Variants in CLDND2 observed in about 807,000 individuals in gnomAD.
CLDND2 encodes claudin domain-containing protein 2.
In CLDND2, 18 loss-of-function variants were observed where a neutral mutation model predicts 17.7. The ratio of observed to expected loss-of-function variants is 1.02; its 90% CI spans 0.70 to 1.51. The LOEUF (loss-of-function observed/expected upper bound fraction) is 1.51. CLDND2 is among the 40% of genes most tolerant of loss of function. The pLI is 0.00. For missense variants in CLDND2, 233 were observed against 219.6 expected (o/e 1.06, Z -0.39); for synonymous variants, 113 against 93.0 (o/e 1.22, Z -1.24).
Position 51,368,987 on chromosome 19 carries a change from A to C in CLDND2, c.-410T>G. ...CCCAGTGCCCTAGGGCTCCTTAGACACAGAGCCCAGAGAGACGGGGGGAGG... is the reference window on the plus strand; with the variant it reads ...CCCAGTGCCCTAGGGCTCCTTAGACCCAGAGCCCAGAGAGACGGGGGGAGG... On this transcript the variant is annotated 5_prime_UTR_variant, in exon 1 of 4. Coordinates refer to ENST00000291715, the MANE Select transcript of CLDND2 (RefSeq NM_152353.3). The C allele has an allele frequency of 6.3e-6, 1 of 159,538 alleles. No homozygotes were observed. Among genetic ancestry groups the C allele is most frequent in the African/African-American group, 2.4e-5 (1 of 41,576 alleles). The allele number at this position is 159,538 out of a possible 1,614,324, so 9.9% of individuals were successfully genotyped here. A position where few individuals can be genotyped will look rare whatever the true frequency, so the allele number is the denominator to read the frequency against.
In CLDND2 at chr19:51,368,416, G is replaced by C. The variant is rs1347860377; in HGVS notation, c.162C>G (p.Pro54=). The change falls in exon 1 of 4, where the codon CCC becomes CCG. Residue 54 remains proline (P), a synonymous_variant. Coordinates refer to ENST00000291715, the MANE Select transcript of CLDND2 (RefSeq NM_152353.3). ...GGGCGGGCGGAGCCTCACTCTGGCA[G>C]GGGATGCTGGAGCAGATGCCGTGGT... ...ECNHGICSSI[P]CQTTLAVTVA... 2 of 1,611,878 alleles carry C rather than the reference G, an allele frequency of 1.2e-6. No individual in the cohort carries two copies. Among genetic ancestry groups the C allele is most frequent in the East Asian group, 2.2e-5 (1 of 44,888 alleles).
Position 51,368,648 on chromosome 19 carries a change from G to T in CLDND2, c.-71C>A. 2.2e-6 allele frequency: 3 copies of T among 1,392,884 alleles called. No individual in the cohort carries two copies. The highest frequency in any genetic ancestry group is 1.3e-5 in the South Asian group (1 of 77,360). 86.3% of individuals were successfully genotyped at this position (1,392,884 alleles called of 1,614,324 possible). ...GGCCTTTCCTACCCCGAGGCCCCCA[G>T]CTGAGGAGCCCGCTTCCTCCACACT... On this transcript the variant is annotated 5_prime_UTR_variant, in exon 1 of 4. In the 5' UTR this introduces an upstream ATG that the reference lacks. Coordinates refer to ENST00000291715, the MANE Select transcript of CLDND2 (RefSeq NM_152353.3).
rs1568473823 is a variant in CLDND2, at chr19:51,368,006, C to A, written c.190G>T (p.Ala64Ser). ...ACACCCACCGCCAGCACCATGCACG[C>A]CACAGTCACCGCCAGCGTGGCTGGG... The part of the protein sequence containing the change: ...PCQTTLAVTV[A>S]CMVLAVGVGV... Residue 64 changes from alanine (A) to serine (S), a missense_variant, in exon 2 of 4, where the codon GCG becomes TCG. Ala to Ser is a moderately conservative substitution (Grantham distance 99, BLOSUM62 1). Transcript: ENST00000291715. The A allele has an allele frequency of 1.2e-6, 2 of 1,611,188 alleles. No homozygotes were observed. The highest frequency in any genetic ancestry group is 1.6e-4 in the Middle Eastern group (1 of 6,078).
rs527484595 is a variant in CLDND2, at chr19:51,367,391, G to C, written c.430+66C>G. 8.0e-5 allele frequency: 119 copies of C among 1,495,058 alleles called. No individual in the cohort carries two copies. In the African/African-American group the frequency reaches 1.4e-3, roughly 18 times the overall value. The allele number at this position is 1,495,058 out of a possible 1,614,324, so 92.6% of individuals were successfully genotyped here. A position where few individuals can be genotyped will look rare whatever the true frequency, so the allele number is the denominator to read the frequency against. On this transcript the variant is annotated intron_variant, in intron 3 of 3. Coordinates refer to ENST00000291715, the MANE Select transcript of CLDND2 (RefSeq NM_152353.3). The surrounding 1 kb of genome is among the most constrained non-coding windows in gnomAD (Gnocchi z 7.4). Reference sequence around the variant, plus strand: ...CCCGGGGTTTCCTGGGAGGGCAGCTGGGGAGCCTCTGGGGTGAGGGTCTTC... The same window carrying C: ...CCCGGGGTTTCCTGGGAGGGCAGCTCGGGAGCCTCTGGGGTGAGGGTCTTC...
In CLDND2 at chr19:51,367,608, C is replaced by A; in HGVS notation, c.311-32G>T. On this transcript the variant is annotated intron_variant, in intron 2 of 3. Transcript: ENST00000291715. This position sits in a 1 kb window ranked among gnomAD's most constrained non-coding sequence, Gnocchi z 7.4. The stretch of plus-strand genomic sequence containing the variant: ...CCCGCCCAGCCGCAAGATGAGCTAG[C>A]TGGGCCTGGTGGGGGCTGCACCCAG... The A allele has an allele frequency of 1.9e-6, 3 of 1,601,606 alleles. No individual in the cohort carries two copies. The highest frequency in any genetic ancestry group is 2.6e-6 in the Non-Finnish European group (3 of 1,173,708).
At position 51,367,281 on chromosome 19, in the gene CLDND2, C is replaced by G; in HGVS notation, c.431-66G>C. 6.4e-7 allele frequency: 1 copy of G among 1,556,510 alleles called. No individual in the cohort carries two copies. Among genetic ancestry groups the G allele is most frequent in the Non-Finnish European group, 8.8e-7 (1 of 1,130,308 alleles). Reference sequence around the variant, plus strand: ...CCCTGGGGCGGATGGCCGGGAGGGCCCCGGGGACTGGGGTTTGGGGCTCCA... The same window carrying G: ...CCCTGGGGCGGATGGCCGGGAGGGCGCCGGGGACTGGGGTTTGGGGCTCCA... On this transcript the variant is annotated intron_variant, in intron 3 of 3. Coordinates refer to ENST00000291715, the MANE Select transcript of CLDND2 (RefSeq NM_152353.3). The surrounding 1 kb of genome is among the most constrained non-coding windows in gnomAD (Gnocchi z 7.4).
Position 51,368,402 on chromosome 19 carries a change from G to C in CLDND2, c.169+7C>G. 1 of 1,608,708 alleles carries C rather than the reference G, an allele frequency of 6.2e-7. No homozygotes were observed. The highest frequency in any genetic ancestry group is 8.5e-7 in the Non-Finnish European group (1 of 1,178,292). ...GCCCTCTGACATCTGGGCGGGCGGAGCCTCACTCTGGCAGGGGATGCTGGA... is the reference window on the plus strand; with the variant it reads ...GCCCTCTGACATCTGGGCGGGCGGACCCTCACTCTGGCAGGGGATGCTGGA... On this transcript the variant is annotated splice_region_variant and intron_variant, in intron 1 of 3. Coordinates refer to ENST00000291715, the MANE Select transcript of CLDND2 (RefSeq NM_152353.3).
intron 1 of CLDND2, 65 bp downstream of exon 1, chr19:51,368,344 A>T (rs1986522773): frequency 6.5e-7 from 1 of 1,528,694 alleles, no homozygotes; most frequent in Admixed American, 1.8e-5. Flanking sequence ...CCATGGGCCC[A>T]GCTGTGTGTC....
chr19:51,368,647 A>G lies in CLDND2; in HGVS notation c.-70T>C. The G allele has an allele frequency of 2.2e-6, 3 of 1,389,890 alleles. No homozygotes were observed. The highest frequency in any genetic ancestry group is 2.0e-6 in the Non-Finnish European group (2 of 1,022,904). 86.1% of individuals were successfully genotyped at this position (1,389,890 alleles called of 1,614,324 possible). ...AGGCCTTTCCTACCCCGAGGCCCCC[A>G]GCTGAGGAGCCCGCTTCCTCCACAC... is the stretch of plus-strand genomic sequence containing the variant. On this transcript the variant is annotated 5_prime_UTR_variant, in exon 1 of 4. Coordinates refer to ENST00000291715, the MANE Select transcript of CLDND2 (RefSeq NM_152353.3).
Position 51,368,615 on chromosome 19 carries a change from T to G in CLDND2, c.-38A>C, listed in dbSNP as rs774296274. On this transcript the variant is annotated 5_prime_UTR_variant, in exon 1 of 4. Coordinates refer to ENST00000291715, the MANE Select transcript of CLDND2 (RefSeq NM_152353.3). ...GCAGCCGGGGGCCACAAGGGCAGGA[T>G]GGGCCCAGGCCTTTCCTACCCCGAG... 16 of 1,592,114 alleles carry G rather than the reference T, an allele frequency of 1.0e-5. No individual in the cohort carries two copies. The highest frequency in any genetic ancestry group is 1.4e-5 in the Non-Finnish European group (16 of 1,169,254).
chr19:51,367,507 G>T lies in CLDND2; in HGVS notation c.380C>A (p.Ser127Tyr), dbSNP rs1229799125. Residue 127 changes from serine (S) to tyrosine (Y), a missense_variant, in exon 3 of 4, where the codon TCT becomes TAT. Coordinates refer to ENST00000291715, the MANE Select transcript of CLDND2 (RefSeq NM_152353.3). This position sits in a 1 kb window ranked among gnomAD's most constrained non-coding sequence, Gnocchi z 7.4. ...KNAWKNNVFF[S>Y]WSYFSGWLAL... ...CAGCCACCCAGAAAAATAGGACCAA[G>T]AGAAGAAGACGTTGTTCTTCCACGC... 1.9e-6 allele frequency: 3 copies of T among 1,609,418 alleles called. No homozygotes were observed. The highest frequency in any genetic ancestry group is 1.7e-6 in the Non-Finnish European group (2 of 1,177,718).
Position 51,368,038 on chromosome 19 carries a change from G to T in CLDND2, c.170-12C>A, listed in dbSNP as rs771527720. The T allele has an allele frequency of 1.1e-5, 18 of 1,597,336 alleles. No individual in the cohort carries two copies. Among genetic ancestry groups the T allele is most frequent in the Middle Eastern group, 3.3e-4 (2 of 6,058 alleles). The stretch of plus-strand genomic sequence containing the variant: ...CACCGCCAGCGTGGCTGGGGAGAGC[G>T]GGCGCATCAGCCCCCGCGGGCGCCG... On this transcript the variant is annotated splice_polypyrimidine_tract_variant and intron_variant, in intron 1 of 3. Transcript: ENST00000291715.
chr19:51,367,052 G>A, downstream of CLDND2: 6 of 1,227,794 alleles, frequency 4.9e-6, no homozygotes, highest in Non-Finnish European at 7.2e-6. This position sits in a 1 kb window ranked among gnomAD's most constrained non-coding sequence, Gnocchi z 7.4. Context: ...ATGCAACCCC[G>A]TGCCTGCGTC....
At chr19:51,366,847 G>C (rs780599382), downstream of CLDND2, among the ~76,000 whole-genome samples, 13 of 151,782 alleles carry the variant, frequency 8.6e-5, no homozygotes, top group Admixed American at 2.0e-4. Flanking sequence ...CCCTGTCCGT[G>C]TCTCTACTTC....
intron 1 of CLDND2, 170 bp from the exon 2 acceptor site, chr19:51,368,196 G>A (rs2123631707): frequency 1.1e-6 from 1 of 879,132 alleles, no homozygotes; most frequent in Non-Finnish European, 1.7e-6. Flanking sequence ...GTCACATCAG[G>A]ACCTGCGGTT....
At chr19:51,366,906 C>T (rs111528221), downstream of CLDND2, among the ~76,000 whole-genome samples, 543 of 152,174 alleles carry the variant, frequency 3.6e-3, 4 homozygotes, top group African/African-American at 0.012. Context: ...CAAAGGCCCA[C>T]GTCCCCTCCT....
At position 51,367,253 on chromosome 19, in the gene CLDND2, G is replaced by C. The variant is rs1312875664; in HGVS notation, c.431-38C>G. ...GGGTGCGGAGCAGGGAGAGGAAGGT[G>C]GGCCCTGGGGCGGATGGCCGGGAGG... On this transcript the variant is annotated intron_variant, in intron 3 of 3. Transcript: ENST00000291715. This position sits in a 1 kb window ranked among gnomAD's most constrained non-coding sequence, Gnocchi z 7.4. 1 of 1,607,764 alleles carries C rather than the reference G, an allele frequency of 6.2e-7. No individual in the cohort carries two copies. Among genetic ancestry groups the C allele is most frequent in the East Asian group, 2.2e-5 (1 of 44,836 alleles).
Position 51,368,035 on chromosome 19 carries a change from A to T in CLDND2, c.170-9T>A. 6.2e-7 allele frequency: 1 copy of T among 1,600,792 alleles called. No homozygotes were observed. On this transcript the variant is annotated splice_polypyrimidine_tract_variant and intron_variant, in intron 1 of 3. Transcript: ENST00000291715. ...AGTCACCGCCAGCGTGGCTGGGGAGAGCGGGCGCATCAGCCCCCGCGGGCG... is the reference window on the plus strand; with the variant it reads ...AGTCACCGCCAGCGTGGCTGGGGAGTGCGGGCGCATCAGCCCCCGCGGGCG...
At chr19:51,367,071 C>A, downstream of CLDND2, 6 of 1,472,636 alleles carry the variant, frequency 4.1e-6, no homozygotes, top group East Asian at 2.3e-5. This position sits in a 1 kb window ranked among gnomAD's most constrained non-coding sequence, Gnocchi z 7.4. Context: ...TCCCCACGAC[C>A]CGCAGAAAAG....
Sources: gnomAD v4.1 joint callset for allele counts (sites outside exome capture counted in the v4.1 genomes callset) on GRCh38, gnomAD v4.1.1 for gene constraint, Gnocchi (gnomAD v3.1) non-coding constraint, MANE v1.5 for transcripts, NCBI Gene and HGNC (gene_info 2026-07-23, HGNC 2026-07-21) for gene names.